Variants in TOM1L2 observed in about 807,000 individuals in gnomAD.
The protein encoded by TOM1L2 is TOM1-like protein 2.
Under a neutral mutation model 67.9 loss-of-function variants are expected in TOM1L2, and 31 were observed. The observed-to-expected ratio is 0.46, with a 90% confidence interval of 0.34 to 0.62. The LOEUF (loss-of-function observed/expected upper bound fraction) is 0.62. Among genes scored for constraint, TOM1L2 ranks in the 20% least tolerant of loss-of-function variants. The probability of loss-of-function intolerance (pLI) is 0.01; values close to 1 mark genes in which losing one functional copy is unlikely to be tolerated. For missense variants in TOM1L2, 606 were observed against 663.5 expected, an observed-to-expected ratio of 0.91 and a Z score of 0.95; for synonymous variants, 256 against 254.0, an observed-to-expected ratio of 1.01 and a Z score of -0.07.
chr17:17,861,369 G>A, intron 12 of TOM1L2, 107 bp downstream of exon 12: 5 of 1,071,708 alleles, frequency 4.7e-6, no homozygotes, highest in Non-Finnish European at 7.0e-6. Context: ...GGGTGTCCCT[G>A]CCCCCTGTGC....
chr17:17,880,298 C>A (rs550501452), intron 6 of TOM1L2, among the ~76,000 whole-genome samples: 1 of 152,152 alleles, frequency 6.6e-6, no homozygotes, highest in African/African-American at 2.4e-5. Context: ...CAGGGGAAGA[C>A]GACAGGGGAG....
chr17:17,941,898 A>C (rs2040749481), intron 1 of TOM1L2, among the ~76,000 whole-genome samples: 1 of 152,190 alleles, frequency 6.6e-6, no homozygotes, highest in African/African-American at 2.4e-5. Context: ...GGAAGGTGGA[A>C]GGATCCCTTG....
chr17:17,933,137 C>T (rs2040398490), intron 1 of TOM1L2, among the ~76,000 whole-genome samples: 1 of 152,016 alleles, frequency 6.6e-6, no homozygotes, highest in African/African-American at 2.4e-5. Context: ...CATAAAGGAC[C>T]CAGGAACTTT....
At chr17:17,848,660 G>GT (rs1298990635) in intron 14 of TOM1L2, among the ~76,000 whole-genome samples, 163 bp downstream of exon 14, 7 of 152,228 alleles carry the variant, frequency 4.6e-5, no homozygotes, top group Admixed American at 2.6e-4. Context: ...CCAAATCAGC[G>GT]TAAGACCTGG....
rs771122365 is a variant in TOM1L2 at position 17,920,335 on chromosome 17, A to ATTTT, written c.53-12808_53-12805dup. ...CTCACCGTTTCCGCTAATGTTCAATATTTTTTTTTTTTTTTTTTTTTTTGA... is the reference window on the plus strand; with the variant it reads ...CTCACCGTTTCCGCTAATGTTCAATATTTTTTTTTTTTTTTTTTTTTTTTTTTGA... On this transcript the variant is annotated intron_variant, in intron 1 of 14. Coordinates refer to ENST00000379504, the MANE Select transcript of TOM1L2 (RefSeq NM_001082968.2). Among the ~76,000 whole-genome samples the ATTTT allele has an allele frequency of 9.1e-4, 85 of 93,264 alleles. 2 individuals are homozygous for ATTTT. The highest frequency in any genetic ancestry group is 3.1e-3 in the African/African-American group (64 of 20,966). The allele number at this position is 93,264 out of a possible 152,430, so 61.2% of individuals were successfully genotyped here.
At chr17:17,879,869 C>G in intron 6 of TOM1L2, 126 bp from the exon 7 acceptor site, 1 of 833,492 alleles carries the variant, frequency 1.2e-6, no homozygotes, top group South Asian at 1.5e-5. Flanking sequence ...GGTTGCCTTT[C>G]TGAGTGCACA....
At chr17:17,862,456 G>T in intron 11 of TOM1L2, 1 of 326,958 alleles carries the variant, frequency 3.1e-6, no homozygotes. Context: ...GGGGAGAAAA[G>T]AGAAAAGCTG....
intron 1 of TOM1L2, among the ~76,000 whole-genome samples, chr17:17,953,802 A>C (rs1415944701): frequency 6.6e-6 from 1 of 152,234 alleles, no homozygotes; most frequent in Non-Finnish European, 1.5e-5. Context: ...TCACAAAGTC[A>C]AGAGGGTTAA....
intron 1 of TOM1L2, among the ~76,000 whole-genome samples, chr17:17,961,640 G>A (rs1460388212): frequency 6.6e-6 from 1 of 152,076 alleles, no homozygotes; most frequent in Non-Finnish European, 1.5e-5. Flanking sequence ...TTGGGAGGCC[G>A]AGGCGGGCGC....
At chr17:17,858,083 C>A in intron 12 of TOM1L2, 2 of 410,822 alleles carry the variant, frequency 4.9e-6, no homozygotes, top group Non-Finnish European at 4.4e-6. Context: ...CAACTACTCC[C>A]GTGCCCTTGG....
At chr17:17,930,039 G>A (rs2040261853) in intron 1 of TOM1L2, among the ~76,000 whole-genome samples, 2 of 152,184 alleles carry the variant, frequency 1.3e-5, no homozygotes, top group Non-Finnish European at 2.9e-5. Flanking sequence ...ACACAGGAAG[G>A]CAAGAGCACC....
chr17:17,893,230 T>A (rs554795611), intron 4 of TOM1L2, among the ~76,000 whole-genome samples: 3 of 152,282 alleles, frequency 2.0e-5, no homozygotes, highest in African/African-American at 7.2e-5. Context: ...TTCTTCAGGG[T>A]CCAATGGAAA....
chr17:17,871,825 T>G (rs1398442639), intron 7 of TOM1L2: 1 of 294,802 alleles, frequency 3.4e-6, no homozygotes, highest in African/African-American at 2.3e-5. Flanking sequence ...TCTCTAGGAC[T>G]CATCCCAGGC....
At chr17:17,895,568 A>AG (rs894958367) in intron 3 of TOM1L2, among the ~76,000 whole-genome samples, 170 of 152,330 alleles carry the variant, frequency 1.1e-3, no homozygotes, top group African/African-American at 4.0e-3. Context: ...CCCATGTTTT[A>AG]GAGTTAAGAG....
At chr17:17,889,323 A>G (rs1317318088) in intron 4 of TOM1L2, among the ~76,000 whole-genome samples, 2 of 152,216 alleles carry the variant, frequency 1.3e-5, no homozygotes, top group Non-Finnish European at 2.9e-5. Flanking sequence ...GCCACTGGGT[A>G]GGCTGACCAT....
intron 2 of TOM1L2, among the ~76,000 whole-genome samples, chr17:17,901,635 C>A (rs894778658): frequency 6.6e-6 from 1 of 152,232 alleles, no homozygotes; most frequent in African/African-American, 2.4e-5. Context: ...TCTTCTGTCA[C>A]CCTGAACATG....
intron 7 of TOM1L2, among the ~76,000 whole-genome samples, chr17:17,873,822 T>A (rs1283305476): frequency 6.6e-6 from 1 of 152,266 alleles, no homozygotes; most frequent in African/African-American, 2.4e-5. Flanking sequence ...ACTGTCATGC[T>A]GCAGCGGCCT....
rs147768977 is a variant in TOM1L2 at position 17,909,009 on chromosome 17, G to A, written c.53-1478C>T. On this transcript the variant is annotated intron_variant, in intron 1 of 14. Coordinates refer to ENST00000379504, the MANE Select transcript of TOM1L2 (RefSeq NM_001082968.2). Reference sequence around the variant, plus strand: ...CATCTGGCTAACATGGTGAAACCCCGTCTCTACTAAAAATACAAAAAATTA... The same window carrying A: ...CATCTGGCTAACATGGTGAAACCCCATCTCTACTAAAAATACAAAAAATTA... Among the ~76,000 whole-genome samples the A allele has an allele frequency of 7.9e-3, 1,204 of 152,134 alleles. 14 individuals are homozygous for A. Among genetic ancestry groups the A allele is most frequent in the African/African-American group, 0.028 (1,144 of 41,490 alleles).
At chr17:17,920,363 T>TG (rs2039808406) in intron 1 of TOM1L2, among the ~76,000 whole-genome samples, 1 of 139,286 alleles carries the variant, frequency 7.2e-6, no homozygotes, top group Admixed American at 7.2e-5. Context: ...TTTTTTGAGA[T>TG]GGAGTCTCGC....
Sources: gnomAD v4.1 joint callset for allele counts (sites outside exome capture counted in the v4.1 genomes callset) on GRCh38, gnomAD v4.1.1 for gene constraint, MANE v1.5 for transcripts, NCBI Gene and HGNC (gene_info 2026-07-23, HGNC 2026-07-21) for gene names.